Variants in NAA38 observed in about 807,000 individuals in gnomAD.
The protein encoded by NAA38 is N-alpha-acetyltransferase 38, NatC auxiliary subunit.
Under a neutral mutation model 12.6 loss-of-function variants are expected in NAA38, and 15 were observed. The ratio of observed to expected loss-of-function variants is 1.19; its 90% CI spans 0.79 to 1.83. NAA38 has a LOEUF of 1.83. Among genes scored for constraint, NAA38 ranks in the 40% most tolerant of loss-of-function variants. The pLI is 0.00. For missense variants in NAA38, 183 were observed against 171.7 expected (o/e 1.07, Z -0.37); for synonymous variants, 88 against 69.9 (o/e 1.26, Z -1.29).
At chr17:7,884,474 ATATG>A (rs1222548400) in intron 1 of NAA38, among the ~76,000 whole-genome samples, 1 of 141,600 alleles carries the variant, frequency 7.1e-6, no homozygotes, top group East Asian at 2.0e-4. Flanking sequence ...ATATATATAT[ATATG>A]TATATATATA....
At chr17:7,856,983 A>G in intron 2 of NAA38, 32 bp downstream of exon 2, 2 of 1,593,010 alleles carry the variant, frequency 1.3e-6, no homozygotes, top group Non-Finnish European at 1.7e-6. Flanking sequence ...CCGCCACATT[A>G]CCAGGCGGGT....
At chr17:7,879,668 A>C (rs1344181861) in intron 2 of NAA38, among the ~76,000 whole-genome samples, 1 of 152,112 alleles carries the variant, frequency 6.6e-6, no homozygotes, top group Non-Finnish European at 1.5e-5. Context: ...TCCTGTACCC[A>C]TTAATCATAA....
At chr17:7,866,317 C>T (rs573464517) in intron 3 of NAA38, among the ~76,000 whole-genome samples, 2 of 139,638 alleles carry the variant, frequency 1.4e-5, no homozygotes, top group South Asian at 4.5e-4. Context: ...ACCGTGTTAG[C>T]CAGGATGGTC....
chr17:7,870,255 C>G (rs1032640555), intron 2 of NAA38, among the ~76,000 whole-genome samples: 4 of 152,020 alleles, frequency 2.6e-5, no homozygotes, highest in African/African-American at 7.3e-5. Flanking sequence ...GAGGAAGACT[C>G]TGTCTTAAAA....
At chr17:7,883,845 A>AGCTTTTC (rs1278659797) in intron 1 of NAA38, among the ~76,000 whole-genome samples, 1 of 152,040 alleles carries the variant, frequency 6.6e-6, no homozygotes, top group Non-Finnish European at 1.5e-5. Context: ...AAAAAAAAAA[A>AGCTTTTC]GCTTTTCTTT....
At chr17:7,857,768 G>C, upstream of NAA38, 1 of 1,273,214 alleles carries the variant, frequency 7.9e-7, no homozygotes, top group Non-Finnish European at 9.9e-7. Flanking sequence ...CTCCTCCCTT[G>C]TTTTTCTGTC....
At chr17:7,885,003 G>A (rs1967530557) in intron 1 of NAA38, 1 of 1,240,132 alleles carries the variant, frequency 8.1e-7, no homozygotes. Context: ...GACCGCCACA[G>A]CCCCCCCGGC....
At chr17:7,875,091 A>G (rs1297899654) in intron 2 of NAA38, among the ~76,000 whole-genome samples, 1 of 150,868 alleles carries the variant, frequency 6.6e-6, no homozygotes, top group Non-Finnish European at 1.5e-5. Flanking sequence ...GCTACTTGGG[A>G]GGATGAGGGA....
intron 3 of NAA38, chr17:7,863,649 A>G (rs1238679106): frequency 6.6e-6 from 1 of 152,178 alleles, no homozygotes; most frequent in East Asian, 1.9e-4. Context: ...CTGTTTCTAA[A>G]TACTCTGTGT....
At chr17:7,867,950 G>A (rs1001606475) in intron 2 of NAA38, among the ~76,000 whole-genome samples, 1 of 152,202 alleles carries the variant, frequency 6.6e-6, no homozygotes, top group African/African-American at 2.4e-5. Context: ...GCAGAAAAAG[G>A]AACTGCTGGA....
rs757778170 is a variant in NAA38 at position 7,857,027 on chromosome 17, G to T, written c.253C>A (p.Leu85Ile). Residue 85 changes from leucine (L) to isoleucine (I), a missense_variant, in exon 2 of 3, where the codon CTC becomes ATC. Coordinates refer to ENST00000575771, the MANE Select transcript of NAA38 (RefSeq NM_001320925.4). ...NVILGSAQEF[L>I]KPSDSFSAGE... is the part of the protein sequence containing the mutation. Reference sequence around the variant, plus strand: ...CCCGGGCACTGACCCGACGGCTTGAGGAACTCCTGCGCCGAGCCCAGGATG... The same window carrying T: ...CCCGGGCACTGACCCGACGGCTTGATGAACTCCTGCGCCGAGCCCAGGATG... 1.9e-6 allele frequency: 3 copies of T among 1,606,722 alleles called. No individual in the cohort carries two copies. The highest frequency in any genetic ancestry group is 2.6e-6 in the Non-Finnish European group (3 of 1,174,746).
chr17:7,882,273 G>A (rs1967287667), intron 2 of NAA38, among the ~76,000 whole-genome samples: 1 of 152,140 alleles, frequency 6.6e-6, no homozygotes. Context: ...CACATGATGC[G>A]CAGTGTGGCC....
At chr17:7,879,763 T>C (rs1967238071) in intron 2 of NAA38, among the ~76,000 whole-genome samples, 1 of 152,088 alleles carries the variant, frequency 6.6e-6, no homozygotes, top group Admixed American at 6.6e-5. Context: ...ACAATGAAAG[T>C]GACAGGCAGG....
chr17:7,875,462 G>C (rs981956802), intron 2 of NAA38, among the ~76,000 whole-genome samples: 1 of 152,014 alleles, frequency 6.6e-6, no homozygotes, highest in African/African-American at 2.4e-5. Context: ...AGTTTCCTGA[G>C]TAGGTAGGAC....
upstream of NAA38, chr17:7,885,310 G>GCCGCCGCCGCCC (rs1285726917): frequency 2.9e-5 from 3 of 102,782 alleles, no homozygotes; most frequent in African/African-American, 1.3e-4. Context: ...CCCCTCCCCC[G>GCCGCCGCCGCCC]CCGCCGCCGC....
chr17:7,884,802 A>G, intron 1 of NAA38: 2 of 613,242 alleles, frequency 3.3e-6, no homozygotes, highest in Non-Finnish European at 5.0e-6. Flanking sequence ...GGCCAGAGCC[A>G]CAGGATGGCT....
chr17:7,859,706 G>A (rs952437755), upstream of NAA38: 9 of 1,124,940 alleles, frequency 8.0e-6, no homozygotes, highest in African/African-American at 1.4e-4. Flanking sequence ...AGGGGTGCCT[G>A]GACCCAGATC....
chr17:7,858,018 A>G (rs1435789305), upstream of NAA38: 2 of 1,527,166 alleles, frequency 1.3e-6, no homozygotes, highest in East Asian at 2.3e-5. Flanking sequence ...TTTCCATGTC[A>G]GCGGATAAAC....
Position 7,857,015 on chromosome 17 carries a change from C to T in NAA38, c.265G>A (p.Asp89Asn), listed in dbSNP as rs1414588003. 1 of 1,603,556 alleles carries T rather than the reference C, an allele frequency of 6.2e-7. No homozygotes were observed. The highest frequency in any genetic ancestry group is 8.5e-7 in the Non-Finnish European group (1 of 1,172,498). Residue 89 changes from aspartate (D) to asparagine (N), a missense_variant and splice_region_variant, in exon 2 of 3, where the codon GAT becomes AAT. Physicochemically the swap from Asp to Asn is conservative, Grantham distance 23 (BLOSUM62 1). Transcript: ENST00000575771. Reference protein sequence around the residue: ...GSAQEFLKPSDSFSAGEPRVL... With the variant: ...GSAQEFLKPSNSFSAGEPRVL... ...GGGTGTGCATTCCCCGGGCACTGAC[C>T]CGACGGCTTGAGGAACTCCTGCGCC... is the stretch of plus-strand genomic sequence containing the variant.
Sources: allele counts gnomAD v4.1 joint callset (sites outside exome capture counted in the v4.1 genomes callset), GRCh38; gene constraint gnomAD v4.1.1; transcripts MANE v1.5; gene names NCBI Gene and HGNC (gene_info 2026-07-23, HGNC 2026-07-21).